VAV3: variants seen among roughly 807,000 people sequenced by gnomAD.
The protein encoded by VAV3 is guanine nucleotide exchange factor VAV3.
In VAV3, 94 loss-of-function variants were observed where a neutral mutation model predicts 131.2. The ratio of observed to expected loss-of-function variants is 0.72; its 90% confidence interval spans 0.61 to 0.85. The LOEUF is 0.85. Among genes scored for constraint, VAV3 ranks in the 40% least tolerant of loss-of-function variants. VAV3 has a pLI of 0.00. For missense variants in VAV3, 939 were observed against 1,002.7 expected, an observed-to-expected ratio of 0.94 and a Z score of 0.86; for synonymous variants, 349 against 342.0, an observed-to-expected ratio of 1.02 and a Z score of -0.22.
chr1:107,765,024 T>C (rs1324158809), intron 9 of VAV3, 52 bp downstream of exon 9: 26 of 1,256,558 alleles, frequency 2.1e-5, no homozygotes, highest in Non-Finnish European at 2.8e-5. Flanking sequence ...GAGGAACACA[T>C]TGCTTTTAGG....
intron 2 of VAV3, among the ~76,000 whole-genome samples, chr1:107,819,256 C>T (rs1667689250): frequency 6.6e-6 from 1 of 152,026 alleles, no homozygotes; most frequent in African/African-American, 2.4e-5. Flanking sequence ...AGATTAAATA[C>T]ATATATATTC....
At chr1:107,757,190 T>TAC in intron 11 of VAV3, 71 bp downstream of exon 11, 2 of 1,048,204 alleles carry the variant, frequency 1.9e-6, no homozygotes, top group South Asian at 2.9e-5. Flanking sequence ...TGTGTGTGTA[T>TAC]GCAATTTGAA....
intron 2 of VAV3, among the ~76,000 whole-genome samples, chr1:107,833,838 C>T (rs1409169700): frequency 1.3e-5 from 2 of 152,126 alleles, no homozygotes; most frequent in Non-Finnish European, 2.9e-5. Flanking sequence ...TTACATGAAT[C>T]GTAATTAATA....
At chr1:107,875,338 A>G (rs2101021043) in intron 1 of VAV3, among the ~76,000 whole-genome samples, 1 of 152,326 alleles carries the variant, frequency 6.6e-6, no homozygotes, top group Middle Eastern at 3.4e-3. Context: ...AGAGAAAAAT[A>G]AAACCTGGAG....
intron 20 of VAV3, among the ~76,000 whole-genome samples, chr1:107,641,798 T>C (rs1655358729): frequency 6.6e-6 from 1 of 152,126 alleles, no homozygotes; most frequent in African/African-American, 2.4e-5. Flanking sequence ...TACCCAGAGG[T>C]CCTCGGTTTG....
intron 1 of VAV3, among the ~76,000 whole-genome samples, chr1:107,886,795 T>C (rs918172463): frequency 3.3e-5 from 5 of 152,134 alleles, no homozygotes; most frequent in African/African-American, 1.2e-4. Context: ...GATCATGCTT[T>C]TATATCTGCT....
At chr1:107,577,938 T>C (rs899854065) in intron 25 of VAV3, among the ~76,000 whole-genome samples, 2 of 152,222 alleles carry the variant, frequency 1.3e-5, no homozygotes, top group Non-Finnish European at 2.9e-5. Flanking sequence ...AAAAGTGAGC[T>C]AAGACAACTG....
chr1:107,942,936 C>T (rs1484125367), intron 1 of VAV3, among the ~76,000 whole-genome samples: 2 of 152,196 alleles, frequency 1.3e-5, no homozygotes, highest in Non-Finnish European at 2.9e-5. Context: ...ATTATGAAAT[C>T]CAGAGCAAAC....
intron 2 of VAV3, among the ~76,000 whole-genome samples, chr1:107,864,630 TAATA>T (rs1175448456): frequency 1.1e-4 from 16 of 152,006 alleles, no homozygotes; most frequent in African/African-American, 3.9e-4. Flanking sequence ...TCTCAAAAAA[TAATA>T]AATAAATAAG....
At chr1:107,626,371 G>C (rs937672475) in intron 20 of VAV3, among the ~76,000 whole-genome samples, 1 of 152,074 alleles carries the variant, frequency 6.6e-6, no homozygotes, top group East Asian at 1.9e-4. Context: ...CCTTGTTCTA[G>C]TGCAGTCACA....
chr1:107,901,327 C>T (rs1671848528), intron 1 of VAV3, among the ~76,000 whole-genome samples: 1 of 152,170 alleles, frequency 6.6e-6, no homozygotes, highest in African/African-American at 2.4e-5. Context: ...AGAGACACTG[C>T]AGGATATTTT....
chr1:107,595,740 C>G (rs113986416), intron 25 of VAV3, among the ~76,000 whole-genome samples: 7 of 152,164 alleles, frequency 4.6e-5, no homozygotes, highest in African/African-American at 1.7e-4. Context: ...TTTAGAAATA[C>G]TAGCATCCAA....
chr1:107,843,537 GTA>G (rs1553218250), intron 2 of VAV3, among the ~76,000 whole-genome samples: 5 of 147,522 alleles, frequency 3.4e-5, no homozygotes, highest in Admixed American at 6.8e-5. Flanking sequence ...GTGTGTGTGT[GTA>G]TATATATATA....
intron 1 of VAV3, among the ~76,000 whole-genome samples, chr1:107,955,428 C>T (rs1300480995): frequency 6.6e-6 from 1 of 151,922 alleles, no homozygotes; most frequent in African/African-American, 2.4e-5. Context: ...GTATGACTCC[C>T]TGTGTCCATT....
chr1:107,725,410 G>C (rs1050216423), intron 15 of VAV3, among the ~76,000 whole-genome samples: 1 of 152,158 alleles, frequency 6.6e-6, no homozygotes, highest in Non-Finnish European at 1.5e-5. Flanking sequence ...ATATGCAGCC[G>C]AAAGTAAAGA....
At chr1:107,704,498 C>T in intron 17 of VAV3, 52 bp downstream of exon 17, 1 of 1,461,262 alleles carries the variant, frequency 6.8e-7, no homozygotes, top group Non-Finnish European at 9.5e-7. Flanking sequence ...TTATGTTTAG[C>T]AAATTTTATG....
At chr1:107,902,138 G>C (rs1438722393) in intron 1 of VAV3, among the ~76,000 whole-genome samples, 1 of 152,000 alleles carries the variant, frequency 6.6e-6, no homozygotes, top group East Asian at 1.9e-4. Flanking sequence ...TATTAAGCAT[G>C]CCTTAAACTA....
chr1:107,747,589 A>G (rs920797810), intron 15 of VAV3, among the ~76,000 whole-genome samples: 1 of 152,206 alleles, frequency 6.6e-6, no homozygotes, highest in African/African-American at 2.4e-5. Flanking sequence ...AATAATAGGT[A>G]TCACCTATTG....
chr1:107,780,171 T>C (rs1665614486), intron 2 of VAV3, among the ~76,000 whole-genome samples: 1 of 152,232 alleles, frequency 6.6e-6, no homozygotes, highest in African/African-American at 2.4e-5. Context: ...ATCTTCTAGA[T>C]AATGCCTATA....
Sources: allele counts gnomAD v4.1 joint callset (sites outside exome capture counted in the v4.1 genomes callset), GRCh38; gene constraint gnomAD v4.1.1; transcripts MANE v1.5; gene names NCBI Gene and HGNC (gene_info 2026-07-23, HGNC 2026-07-21).